ESRRG: variants seen among roughly 807,000 people sequenced by gnomAD.
ESRRG encodes estrogen-related receptor gamma.
ESRRG carries 13 observed loss-of-function variants against 44.0 expected under a neutral mutation model. That is an observed-to-expected ratio of 0.30 (90% CI 0.19 to 0.47). The LOEUF is 0.47. Among genes scored for constraint, ESRRG ranks in the 20% least tolerant of loss-of-function variants. The pLI is 1.00. For missense variants in ESRRG, 395 were observed against 580.6 expected (o/e 0.68, Z 3.29); for synonymous variants, 215 against 214.6 (o/e 1.00, Z -0.02).
chr1:216,796,794 T>G (rs1261966866), intron 2 of ESRRG, among the ~76,000 whole-genome samples: 1 of 151,502 alleles, frequency 6.6e-6, no homozygotes, highest in East Asian at 2.0e-4. Flanking sequence ...TCTTGGTTGA[T>G]CTTCCTGCTT....
At chr1:216,598,680 T>C (rs931652734) in intron 3 of ESRRG, among the ~76,000 whole-genome samples, 1 of 152,110 alleles carries the variant, frequency 6.6e-6, no homozygotes. Flanking sequence ...AGCAAGTCAG[T>C]GAAATATGCT....
At chr1:217,127,688 G>A (rs893182337) in intron 1 of ESRRG, among the ~76,000 whole-genome samples, 1 of 152,168 alleles carries the variant, frequency 6.6e-6, no homozygotes, top group Non-Finnish European at 1.5e-5. Context: ...CCTCGGGCAA[G>A]TTATAGAAAA....
At chr1:216,515,443 G>A (rs1466069463) in intron 6 of ESRRG, among the ~76,000 whole-genome samples, 1 of 151,938 alleles carries the variant, frequency 6.6e-6, no homozygotes, top group African/African-American at 2.4e-5. Flanking sequence ...ATTAAATATG[G>A]TGCCCATTCC....
At chr1:217,134,449 A>G (rs1015903481) in intron 1 of ESRRG, among the ~76,000 whole-genome samples, 1 of 152,212 alleles carries the variant, frequency 6.6e-6, no homozygotes, top group Admixed American at 6.5e-5. Context: ...AGAGAAGCGA[A>G]GCCAGCGGTC....
At chr1:217,117,089 A>G (rs2092740092) in intron 1 of ESRRG, among the ~76,000 whole-genome samples, 1 of 152,192 alleles carries the variant, frequency 6.6e-6, no homozygotes, top group African/African-American at 2.4e-5. Flanking sequence ...AAAATATAGC[A>G]TAGAGGTTAA....
At chr1:216,864,250 G>A (rs1466108466) in intron 2 of ESRRG, 1 of 150,996 alleles carries the variant, frequency 6.6e-6, no homozygotes, top group African/African-American at 2.4e-5. Context: ...TCCTACTCAT[G>A]CATTTGACAT....
intron 3 of ESRRG, among the ~76,000 whole-genome samples, chr1:216,601,657 G>T (rs1421821067): frequency 6.6e-6 from 1 of 152,124 alleles, no homozygotes; most frequent in Non-Finnish European, 1.5e-5. Context: ...TGCAAGAGCT[G>T]TTGGACCCAC....
chr1:217,059,645 T>C (rs1309398832), intron 1 of ESRRG, among the ~76,000 whole-genome samples: 1 of 152,102 alleles, frequency 6.6e-6, no homozygotes, highest in African/African-American at 2.4e-5. Flanking sequence ...ATAATGATTG[T>C]AGTCTTTCCA....
chr1:216,514,453 C>T (rs2043597173), intron 6 of ESRRG, among the ~76,000 whole-genome samples: 1 of 152,064 alleles, frequency 6.6e-6, no homozygotes, highest in Admixed American at 6.6e-5. Context: ...GTTATAATTT[C>T]TTGGTAAACA....
At chr1:216,970,464 G>A (rs2150284265) in intron 1 of ESRRG, among the ~76,000 whole-genome samples, 2 of 152,250 alleles carry the variant, frequency 1.3e-5, no homozygotes, top group Middle Eastern at 3.4e-3. Context: ...TGGCTACCTA[G>A]CTCAGATAAC....
chr1:216,705,696 A>T (rs2082313365), intron 1 of ESRRG, among the ~76,000 whole-genome samples: 1 of 152,206 alleles, frequency 6.6e-6, no homozygotes, highest in South Asian at 2.1e-4. Context: ...AGGGAGCAGC[A>T]GGTTCTTTCA....
chr1:217,055,745 G>A (rs554586874), intron 1 of ESRRG, among the ~76,000 whole-genome samples: 1,730 of 132,462 alleles, frequency 0.013, 23 homozygotes, highest in Non-Finnish European at 0.015. Context: ...CACTACATGA[G>A]GCCACCAGAG....
At position 217,012,515 on chromosome 1, in the gene ESRRG, C is replaced by T. The variant is rs75536434; in HGVS notation, c.-105-72842G>A. ...AGATAGTATTAGAAAACCCTTGTTT[C>T]GAGTTACTGATAGCAAGAAAATGAC... On this transcript the variant is annotated intron_variant, in intron 1 of 7. Coordinates refer to the ESRRG transcript ENST00000359162. Among the ~76,000 whole-genome samples the T allele has an allele frequency of 3.0e-3, 461 of 152,188 alleles. 3 individuals are homozygous for T. The highest frequency in any genetic ancestry group is 0.01 in the African/African-American group (426 of 41,520).
intron 3 of ESRRG, among the ~76,000 whole-genome samples, chr1:216,605,536 A>C (rs987236185): frequency 6.6e-6 from 1 of 152,198 alleles, no homozygotes; most frequent in Non-Finnish European, 1.5e-5. Context: ...TAAGGTGTGA[A>C]AGAGGATTAT....
chr1:216,841,873 T>G (rs1335275397), intron 2 of ESRRG, among the ~76,000 whole-genome samples: 1 of 152,070 alleles, frequency 6.6e-6, no homozygotes, highest in Non-Finnish European at 1.5e-5. Flanking sequence ...AGAAAATATC[T>G]GGGTTTAGAA....
intron 1 of ESRRG, among the ~76,000 whole-genome samples, chr1:216,975,484 G>A (rs182552610): frequency 6.6e-6 from 1 of 152,326 alleles, no homozygotes; most frequent in African/African-American, 2.4e-5. Context: ...TCATGATGCA[G>A]TTGCCCTGCC....
chr1:217,091,037 C>T (rs543144880), upstream of ESRRG, among the ~76,000 whole-genome samples: 1 of 152,284 alleles, frequency 6.6e-6, no homozygotes, highest in East Asian at 1.9e-4. Flanking sequence ...TTTTATGTAG[C>T]TTCTCTTAAT....
intron 3 of ESRRG, among the ~76,000 whole-genome samples, chr1:216,617,843 A>G (rs569680510): frequency 2.0e-5 from 3 of 152,316 alleles, no homozygotes; most frequent in African/African-American, 7.2e-5. Context: ...ACTTTCCCTC[A>G]GCTGAATGGC....
chr1:216,877,383 TTTTTTG>T (rs140146690), intron 2 of ESRRG, among the ~76,000 whole-genome samples: 59,300 of 142,438 alleles, frequency 0.42, 12,428 homozygotes, highest in African/African-American at 0.48. Flanking sequence ...TATGGTGTTT[TTTTTTG>T]TTTGTTTGTT....
Sources: gnomAD v4.1 joint callset for allele counts (sites outside exome capture counted in the v4.1 genomes callset) on GRCh38, gnomAD v4.1.1 for gene constraint, MANE v1.5 for transcripts, NCBI Gene and HGNC (gene_info 2026-07-23, HGNC 2026-07-21) for gene names.